WWOX: variants seen among roughly 807,000 people sequenced by gnomAD.
WWOX encodes WW domain-containing oxidoreductase.
A neutral mutation model predicts 46.2 loss-of-function variants in WWOX; 69 were observed. The observed-to-expected ratio is 1.49, with a 90% CI of 1.23 to 1.82. WWOX has a LOEUF of 1.82. WWOX is among the 40% of genes most tolerant of loss of function. The pLI, the probability that WWOX is intolerant of heterozygous loss-of-function variation, is 0.00. For missense variants in WWOX, 919 were observed against 542.6 expected (o/e 1.69, Z -6.89); for synonymous variants, 359 against 202.6 (o/e 1.77, Z -6.56).
chr16:78,837,057 A>G (rs8050944), intron 8 of WWOX, among the ~76,000 whole-genome samples: 136,741 of 152,008 alleles, frequency 0.9, 61,722 homozygotes, highest in African/African-American at 0.93. Flanking sequence ...TTATATTAAC[A>G]AGAAGTTCCA....
chr16:78,756,392 C>G (rs2049647594), intron 8 of WWOX, among the ~76,000 whole-genome samples: 1 of 152,090 alleles, frequency 6.6e-6, no homozygotes, highest in African/African-American at 2.4e-5. Context: ...GGACAGAACT[C>G]CAGAGGACTC....
chr16:79,058,487 AAG>A (rs2048305422), intron 8 of WWOX, among the ~76,000 whole-genome samples: 1 of 152,134 alleles, frequency 6.6e-6, no homozygotes, highest in Non-Finnish European at 1.5e-5. Context: ...GAAGGGGAAA[AAG>A]AGGGATGGAA....
chr16:78,890,114 C>G (rs1044780172), intron 8 of WWOX: 1 of 152,154 alleles, frequency 6.6e-6, no homozygotes, highest in Non-Finnish European at 1.5e-5. Flanking sequence ...CACACATACA[C>G]ATACACACAT....
intron 6 of WWOX, among the ~76,000 whole-genome samples, chr16:78,394,765 C>G (rs1597157618): frequency 6.6e-6 from 1 of 152,168 alleles, no homozygotes; most frequent in Admixed American, 6.5e-5. Context: ...TGCAATAAAA[C>G]TTTACAAAAC....
rs375777354 is a variant in WWOX at position 78,760,562 on chromosome 16, G to A, written c.1056+327810G>A. Among the ~76,000 whole-genome samples, 24 of 152,314 alleles carry A rather than the reference G, an allele frequency of 1.6e-4. 1 individual carries two copies. The South Asian group carries it at 2.9e-3, about 18-fold the overall frequency. On this transcript the variant is annotated intron_variant, in intron 8 of 8. Transcript: ENST00000566780. ...ATTCCCAATCACACAGTCAGGAGAG[G>A]ATGCCCACAATGCACTTGGGGTTTT...
chr16:78,547,312 C>T (rs1304503323), intron 8 of WWOX, among the ~76,000 whole-genome samples: 2 of 151,918 alleles, frequency 1.3e-5, no homozygotes, highest in Non-Finnish European at 2.9e-5. Context: ...AGAGGGGGCA[C>T]TATTAGTATC....
At chr16:79,078,407 G>A (rs1487645575) in intron 8 of WWOX, among the ~76,000 whole-genome samples, 3 of 152,098 alleles carry the variant, frequency 2.0e-5, no homozygotes, top group Non-Finnish European at 2.9e-5. Flanking sequence ...CTCATGGCTC[G>A]GGAAGGAGAA....
intron 8 of WWOX, among the ~76,000 whole-genome samples, chr16:78,701,679 C>T (rs551256500): frequency 1.3e-5 from 2 of 152,020 alleles, no homozygotes; most frequent in East Asian, 2.0e-4. Flanking sequence ...TCTATGAGCT[C>T]GAAGGGAGCA....
intron 8 of WWOX, among the ~76,000 whole-genome samples, chr16:79,184,740 C>T (rs1452767027): frequency 6.6e-6 from 1 of 152,138 alleles, no homozygotes; most frequent in Non-Finnish European, 1.5e-5. Flanking sequence ...AGACAAATAG[C>T]CAAGATAGGA....
intron 8 of WWOX, among the ~76,000 whole-genome samples, chr16:79,168,762 C>T (rs2050643709): frequency 6.6e-6 from 1 of 152,144 alleles, no homozygotes. Context: ...GAAAGTCATT[C>T]CAGTTTCCCA....
chr16:79,082,935 A>G (rs1392598581), intron 8 of WWOX, among the ~76,000 whole-genome samples: 1 of 152,174 alleles, frequency 6.6e-6, no homozygotes, highest in East Asian at 1.9e-4. Context: ...CGGGGATACT[A>G]GAAGATAACC....
rs956264824 is a variant in WWOX at position 78,766,034 on chromosome 16, G to C, written c.1056+333282G>C. 3.2e-4 allele frequency among the ~76,000 whole-genome samples: 49 copies of C among 152,200 alleles called. 1 individual carries two copies. Among genetic ancestry groups the C allele is most frequent in the Admixed American group, 6.5e-5 (1 of 15,278 alleles). On this transcript the variant is annotated intron_variant, in intron 8 of 8. Transcript: ENST00000566780. ...CAAGTCTGCACAGAAAAGGTTTACA[G>C]AGCCCAGGCACACAGATGACATGAG...
At chr16:78,502,185 T>C (rs1182136955) in intron 8 of WWOX, among the ~76,000 whole-genome samples, 2 of 152,200 alleles carry the variant, frequency 1.3e-5, no homozygotes, top group African/African-American at 4.8e-5. Flanking sequence ...TTAATAGTTT[T>C]ATTGATATAT....
At chr16:78,770,211 G>GT (rs1158596537) in intron 8 of WWOX, among the ~76,000 whole-genome samples, 6 of 152,086 alleles carry the variant, frequency 3.9e-5, no homozygotes, top group African/African-American at 1.2e-4. Context: ...GTGAGTCGGG[G>GT]TTGGTGGTGT....
rs1363794629 is a variant in WWOX at position 78,425,023 on chromosome 16, C to A, written c.759C>A (p.Ala253=). 1 of 1,614,006 alleles carries A rather than the reference C, an allele frequency of 6.2e-7. No individual in the cohort carries two copies. The highest frequency in any genetic ancestry group is 8.5e-7 in the Non-Finnish European group (1 of 1,180,028). ...LQDVLCRSAP[A]RVIVVSSESH... ...ATGTTTTGTGCCGCTCAGCTCCTGCCCGTGTCATTGTGGTCTCCTCAGAGT... is the reference window on the plus strand; with the variant it reads ...ATGTTTTGTGCCGCTCAGCTCCTGCACGTGTCATTGTGGTCTCCTCAGAGT... The change falls in exon 7 of 9, where the codon GCC becomes GCA. Residue 253 remains alanine, a synonymous_variant. Coordinates refer to ENST00000566780, the MANE Select transcript of WWOX (RefSeq NM_016373.4).
At chr16:78,223,582 C>T (rs552778254) in intron 5 of WWOX, among the ~76,000 whole-genome samples, 1 of 152,224 alleles carries the variant, frequency 6.6e-6, no homozygotes, top group East Asian at 1.9e-4. Flanking sequence ...AATGATGTGG[C>T]AGGAAACATG....
intron 8 of WWOX, among the ~76,000 whole-genome samples, chr16:79,184,917 T>C (rs1172829000): frequency 6.6e-6 from 1 of 152,220 alleles, no homozygotes; most frequent in East Asian, 1.9e-4. Flanking sequence ...TGGATAATCA[T>C]TGGCTGTAGG....
intron 8 of WWOX, among the ~76,000 whole-genome samples, chr16:78,993,222 G>T (rs555027819): frequency 6.6e-6 from 1 of 151,788 alleles, no homozygotes; most frequent in African/African-American, 2.4e-5. Context: ...CAGTTTGTTT[G>T]CAGTAAGCCG....
At chr16:78,781,753 C>T (rs569246321) in intron 8 of WWOX, among the ~76,000 whole-genome samples, 42 of 152,224 alleles carry the variant, frequency 2.8e-4, no homozygotes, top group Non-Finnish European at 5.1e-4. Context: ...CCAGTCTGGG[C>T]AACAGAGCGA....
Sources: allele counts gnomAD v4.1 joint callset (sites outside exome capture counted in the v4.1 genomes callset), GRCh38; gene constraint gnomAD v4.1.1; transcripts MANE v1.5; gene names NCBI Gene and HGNC (gene_info 2026-07-23, HGNC 2026-07-21).